Variants in ENOX1 observed in about 807,000 individuals in gnomAD.
ENOX1 encodes candidate growth-related and time keeping constitutive hydroquinone (NADH) oxidase.
ENOX1 carries 42 observed loss-of-function variants against 82.5 expected under a neutral mutation model. The ratio of observed to expected loss-of-function variants is 0.51; its 90% CI spans 0.40 to 0.66. ENOX1 has a LOEUF of 0.66. ENOX1 is among the 30% of genes least tolerant of loss of function. ENOX1 has a pLI of 0.00. For synonymous variants in ENOX1, 271 were observed against 282.2 expected (o/e 0.96, Z 0.40); for missense variants, 608 against 811.6 (o/e 0.75, Z 3.05).
chr13:43,780,153 T>A (rs1327575131), intron 1 of ENOX1, among the ~76,000 whole-genome samples: 1 of 144,626 alleles, frequency 6.9e-6, no homozygotes, highest in Non-Finnish European at 1.5e-5. Context: ...AGAGCGAGAC[T>A]CTGTCTCAAA....
chr13:43,413,051 G>A, intron 3 of ENOX1, 63 bp from the exon 4 acceptor site: 1 of 1,386,204 alleles, frequency 7.2e-7, no homozygotes, highest in South Asian at 1.7e-5. Context: ...AAACGTCAAG[G>A]AACAAACTGT....
chr13:43,709,334 G>T (rs2087531484), intron 1 of ENOX1, among the ~76,000 whole-genome samples: 3 of 151,792 alleles, frequency 2.0e-5, no homozygotes, highest in South Asian at 4.2e-4. Context: ...AGTAAAATCA[G>T]AAATTAATAA....
chr13:43,745,186 A>C (rs1949954954), intron 1 of ENOX1, among the ~76,000 whole-genome samples: 1 of 152,178 alleles, frequency 6.6e-6, no homozygotes, highest in Non-Finnish European at 1.5e-5. Flanking sequence ...GAAAGTTTGA[A>C]GTGGTGAAGC....
At chr13:43,224,444 T>A (rs2041935324) in intron 15 of ENOX1, among the ~76,000 whole-genome samples, 1 of 152,344 alleles carries the variant, frequency 6.6e-6, no homozygotes, top group East Asian at 1.9e-4. Flanking sequence ...AATTTTATGC[T>A]TGATTTACCA....
At chr13:43,575,079 G>A (rs1343488643) in intron 2 of ENOX1, among the ~76,000 whole-genome samples, 1 of 152,176 alleles carries the variant, frequency 6.6e-6, no homozygotes, top group African/African-American at 2.4e-5. Flanking sequence ...CACCTATAAT[G>A]AAAGAACATT....
chr13:43,244,771 C>T (rs184568625), intron 14 of ENOX1, among the ~76,000 whole-genome samples: 1 of 152,252 alleles, frequency 6.6e-6, no homozygotes, highest in East Asian at 1.9e-4. Context: ...CTCCATGTCA[C>T]CCCGGACTCT....
At chr13:43,512,618 G>GT (rs35147827) in intron 2 of ENOX1, among the ~76,000 whole-genome samples, 1,803 of 137,132 alleles carry the variant, frequency 0.013, 7 homozygotes, top group Middle Eastern at 0.032. Flanking sequence ...ATGTGTGTGG[G>GT]TTTTTTTTTT....
chr13:43,530,799 C>A (rs2078176674), intron 2 of ENOX1, among the ~76,000 whole-genome samples: 1 of 151,900 alleles, frequency 6.6e-6, no homozygotes, highest in African/African-American at 2.4e-5. Flanking sequence ...TTTATTTAAA[C>A]CCAGTTAATG....
At chr13:43,323,750 C>A (rs1351817594) in intron 10 of ENOX1, among the ~76,000 whole-genome samples, 1 of 151,968 alleles carries the variant, frequency 6.6e-6, no homozygotes, top group Non-Finnish European at 1.5e-5. Context: ...AATAATAAAA[C>A]TAAATTACTA....
At chr13:43,742,035 C>A (rs1405260120) in intron 1 of ENOX1, among the ~76,000 whole-genome samples, 1 of 152,076 alleles carries the variant, frequency 6.6e-6, no homozygotes, top group East Asian at 1.9e-4. Flanking sequence ...TCTTATAAAA[C>A]TAAATTACAT....
chr13:43,557,818 T>A (rs1238342642), intron 2 of ENOX1, among the ~76,000 whole-genome samples: 1 of 152,050 alleles, frequency 6.6e-6, no homozygotes, highest in Non-Finnish European at 1.5e-5. Context: ...TTTAAATTTT[T>A]AAAAAATTCA....
At chr13:43,450,152 T>C (rs533748951) in intron 3 of ENOX1, among the ~76,000 whole-genome samples, 120 of 152,326 alleles carry the variant, frequency 7.9e-4, no homozygotes, top group African/African-American at 2.8e-3. Context: ...TGATCATCTT[T>C]ATTTAAAAGT....
chr13:43,365,296 G>A (rs2050778400), intron 5 of ENOX1, among the ~76,000 whole-genome samples: 1 of 152,256 alleles, frequency 6.6e-6, no homozygotes, highest in South Asian at 2.1e-4. Context: ...TGTGGGCAGG[G>A]AGGAGGGACA....
rs1290903014 is a variant in ENOX1, at chr13:43,575,390, T to C, written c.-218-91238A>G. ...TTTCAGAAAACAAATTTCAGTTAAG[T>C]CTCAGGAAGCTACACTACTACTACT... On this transcript the variant is annotated intron_variant, in intron 2 of 16. Coordinates refer to ENST00000690772, the MANE Select transcript of ENOX1 (RefSeq NM_001347969.2). Among the ~76,000 whole-genome samples, 6 of 152,228 alleles carry C rather than the reference T, an allele frequency of 3.9e-5. No homozygotes were observed. The East Asian group carries it at 7.7e-4, about 20-fold the overall frequency.
intron 3 of ENOX1, among the ~76,000 whole-genome samples, chr13:43,442,424 C>T (rs551732983): frequency 1.3e-5 from 2 of 152,234 alleles, no homozygotes; most frequent in African/African-American, 4.8e-5. Context: ...TATTAAAAGA[C>T]CTCTGCTGTG....
intron 2 of ENOX1, among the ~76,000 whole-genome samples, chr13:43,598,749 A>G (rs762515776): frequency 1.3e-5 from 2 of 152,216 alleles, no homozygotes; most frequent in Non-Finnish European, 2.9e-5. Flanking sequence ...GTGTGTTAAA[A>G]CTATGGGTCA....
intron 2 of ENOX1, among the ~76,000 whole-genome samples, chr13:43,605,566 T>G (rs188439389): frequency 6.6e-5 from 10 of 152,274 alleles, no homozygotes; most frequent in Non-Finnish European, 1.3e-4. Context: ...AAGTACAGTC[T>G]CTTCAATAAA....
At chr13:43,390,746 T>C (rs1480444329) in intron 5 of ENOX1, among the ~76,000 whole-genome samples, 2 of 152,200 alleles carry the variant, frequency 1.3e-5, no homozygotes, top group African/African-American at 4.8e-5. Context: ...TCACAATCTA[T>C]CTGCCTGACT....
chr13:43,235,782 A>C (rs1347005325), intron 15 of ENOX1, among the ~76,000 whole-genome samples: 1 of 151,934 alleles, frequency 6.6e-6, no homozygotes, highest in East Asian at 1.9e-4. Flanking sequence ...CCAGATAATG[A>C]ACTGCTGAAG....
Sources: allele counts gnomAD v4.1 joint callset (sites outside exome capture counted in the v4.1 genomes callset), GRCh38; gene constraint gnomAD v4.1.1; transcripts MANE v1.5; gene names NCBI Gene and HGNC (gene_info 2026-07-23, HGNC 2026-07-21).